The following CACNA2D3 variants were observed in gnomAD, a reference collection of about 807,000 sequenced individuals.
The protein encoded by CACNA2D3 is voltage-dependent calcium channel subunit alpha-2/delta-3.
In CACNA2D3, 60 loss-of-function variants were observed where a neutral mutation model predicts 160.6. The observed-to-expected ratio is 0.37, with a 90% CI of 0.30 to 0.46. The LOEUF (loss-of-function observed/expected upper bound fraction) is 0.46, where lower values mean the gene tolerates loss of function less well. CACNA2D3 is among the 20% of genes least tolerant of loss of function. CACNA2D3 has a pLI of 1.00. For missense variants in CACNA2D3, 1,205 were observed against 1,365.0 expected, an observed-to-expected ratio of 0.88 and a Z score of 1.85; for synonymous variants, 558 against 492.9, an observed-to-expected ratio of 1.13 and a Z score of -1.75.
chr3:55,040,540 C>T (rs143137321), intron 35 of CACNA2D3, among the ~76,000 whole-genome samples: 105 of 152,104 alleles, frequency 6.9e-4, no homozygotes, highest in African/African-American at 2.2e-3. Flanking sequence ...TCATTTAAAG[C>T]GGAGTACAAT....
At chr3:54,312,556 C>T (rs1186517629) in intron 2 of CACNA2D3, among the ~76,000 whole-genome samples, 3 of 152,146 alleles carry the variant, frequency 2.0e-5, no homozygotes, top group African/African-American at 4.8e-5. Context: ...CCAACCCAAA[C>T]GTATGAACAA....
chr3:54,270,546 T>C (rs1702601544), intron 2 of CACNA2D3, among the ~76,000 whole-genome samples: 1 of 152,294 alleles, frequency 6.6e-6, no homozygotes, highest in Middle Eastern at 3.4e-3. Context: ...CATAACAATT[T>C]AGGAGAAATC....
chr3:54,894,745 G>A (rs1044487146), intron 25 of CACNA2D3: 1 of 445,510 alleles, frequency 2.2e-6, no homozygotes, highest in Admixed American at 2.5e-5. Context: ...GGTTTATGAA[G>A]AATTTCATGT....
intron 2 of CACNA2D3, among the ~76,000 whole-genome samples, chr3:54,295,555 G>A (rs1703322437): frequency 6.6e-6 from 1 of 152,186 alleles, no homozygotes. Flanking sequence ...GTGAGGAGGA[G>A]GCTTCCGGGT....
chr3:54,789,226 A>G (rs1305016731), intron 13 of CACNA2D3, among the ~76,000 whole-genome samples: 3 of 152,204 alleles, frequency 2.0e-5, no homozygotes, highest in Non-Finnish European at 4.4e-5. Flanking sequence ...AAACTGAGGC[A>G]TTGAATAATT....
At chr3:54,676,735 T>C (rs541695831) in intron 11 of CACNA2D3, among the ~76,000 whole-genome samples, 1 of 152,292 alleles carries the variant, frequency 6.6e-6, no homozygotes, top group East Asian at 1.9e-4. Flanking sequence ...CACTGTCAGC[T>C]GCCTGCCAAT....
At chr3:54,612,295 C>T (rs1193061613) in intron 9 of CACNA2D3, among the ~76,000 whole-genome samples, 4 of 152,186 alleles carry the variant, frequency 2.6e-5, no homozygotes, top group African/African-American at 7.2e-5. Context: ...AGGGCCTTCT[C>T]CTGATTGACT....
intron 2 of CACNA2D3, among the ~76,000 whole-genome samples, chr3:54,239,304 GAAAT>G (rs1358967321): frequency 1.3e-5 from 2 of 152,190 alleles, no homozygotes; most frequent in African/African-American, 4.8e-5. Flanking sequence ...GTTAAATGTG[GAAAT>G]AAATCAGTAA....
At chr3:54,997,501 A>T (rs943230057) in intron 31 of CACNA2D3, among the ~76,000 whole-genome samples, 3 of 152,112 alleles carry the variant, frequency 2.0e-5, no homozygotes, top group African/African-American at 7.2e-5. Context: ...CAGGAGTTCG[A>T]GACCAGCTTG....
chr3:54,175,138 C>T (rs533651247), intron 2 of CACNA2D3, among the ~76,000 whole-genome samples: 2 of 152,280 alleles, frequency 1.3e-5, no homozygotes, highest in East Asian at 1.9e-4. Context: ...TTTCAAGTGC[C>T]ACCATAGCAC....
intron 35 of CACNA2D3, among the ~76,000 whole-genome samples, chr3:55,028,925 C>T (rs996502883): frequency 1.2e-4 from 19 of 152,290 alleles, no homozygotes; most frequent in African/African-American, 4.3e-4. Context: ...TCCCCACGCA[C>T]CTTTCATTTA....
At chr3:54,518,937 C>G (rs2106982758) in intron 5 of CACNA2D3, among the ~76,000 whole-genome samples, 1 of 54,822 alleles carries the variant, frequency 1.8e-5, no homozygotes, top group East Asian at 6.2e-4. Context: ...AAGTATATGT[C>G]CCTTGAGAAA....
intron 2 of CACNA2D3, among the ~76,000 whole-genome samples, chr3:54,294,301 T>G (rs1339860947): frequency 6.6e-6 from 1 of 152,178 alleles, no homozygotes; most frequent in Non-Finnish European, 1.5e-5. Flanking sequence ...TCTGCCACTT[T>G]CCAAAGAAGC....
intron 27 of CACNA2D3, among the ~76,000 whole-genome samples, chr3:54,923,620 C>T (rs1490593496): frequency 2.0e-5 from 3 of 152,214 alleles, no homozygotes; most frequent in Non-Finnish European, 4.4e-5. Flanking sequence ...TTAGGCACTG[C>T]CATCTTCTCA....
chr3:54,653,929 G>A (rs1275419045), intron 11 of CACNA2D3, among the ~76,000 whole-genome samples: 1 of 152,134 alleles, frequency 6.6e-6, no homozygotes, highest in Non-Finnish European at 1.5e-5. Flanking sequence ...ACTCTTAAGG[G>A]AATCCTCTCC....
chr3:54,479,029 C>A (rs1291521569), intron 4 of CACNA2D3, among the ~76,000 whole-genome samples: 1 of 151,880 alleles, frequency 6.6e-6, no homozygotes, highest in Non-Finnish European at 1.5e-5. Context: ...ACTGTAACTA[C>A]ATGTGTTACC....
chr3:54,285,871 G>T (rs1422710908), intron 2 of CACNA2D3, among the ~76,000 whole-genome samples: 1 of 152,236 alleles, frequency 6.6e-6, no homozygotes, highest in Admixed American at 6.5e-5. Context: ...TGAGGGTCCT[G>T]TCTGGTAGAA....
intron 5 of CACNA2D3, among the ~76,000 whole-genome samples, chr3:54,516,077 G>A (rs1362263371): frequency 1.3e-5 from 2 of 152,200 alleles, no homozygotes; most frequent in African/African-American, 4.8e-5. Flanking sequence ...GTCATTGGGG[G>A]TTTGGGCCAG....
chr3:54,467,603 A>G (rs1700651730), intron 4 of CACNA2D3, among the ~76,000 whole-genome samples: 1 of 152,228 alleles, frequency 6.6e-6, no homozygotes, highest in Admixed American at 6.5e-5. Context: ...TGGAGACATT[A>G]TATTGAGTGA....
Sources: allele counts gnomAD v4.1 joint callset (sites outside exome capture counted in the v4.1 genomes callset), GRCh38; gene constraint gnomAD v4.1.1; transcripts MANE v1.5; gene names NCBI Gene and HGNC (gene_info 2026-07-23, HGNC 2026-07-21).